SCYL3: variants seen among roughly 807,000 people sequenced by gnomAD.
SCYL3 encodes protein-associating with the carboxyl-terminal domain of ezrin.
SCYL3 carries 35 observed loss-of-function variants against 73.8 expected under a neutral mutation model. That is an observed-to-expected ratio of 0.47 (90% CI 0.36 to 0.63). The LOEUF (loss-of-function observed/expected upper bound fraction) is 0.63. Ranked by LOEUF, SCYL3 falls within the 20% of genes least tolerant of loss-of-function variation. SCYL3 has a pLI of 0.00. For synonymous variants in SCYL3, 277 were observed against 295.2 expected, an observed-to-expected ratio of 0.94 and a Z score of 0.63; for missense variants, 712 against 798.9, an observed-to-expected ratio of 0.89 and a Z score of 1.31.
chr1:169,891,531 A>C (rs1662086693), intron 1 of SCYL3, among the ~76,000 whole-genome samples: 1 of 152,236 alleles, frequency 6.6e-6, no homozygotes, highest in African/African-American at 2.4e-5. Context: ...GAGTTACAGA[A>C]GTGTTACTTT....
At chr1:169,868,390 A>G (rs1660180960) in intron 7 of SCYL3, among the ~76,000 whole-genome samples, 2 of 152,234 alleles carry the variant, frequency 1.3e-5, no homozygotes, top group South Asian at 4.1e-4. Context: ...ATTAAAACTA[A>G]CCTTGAAGAA....
intron 5 of SCYL3, among the ~76,000 whole-genome samples, chr1:169,870,730 A>T (rs1372592022): frequency 6.6e-6 from 1 of 152,076 alleles, no homozygotes; most frequent in Non-Finnish European, 1.5e-5. Flanking sequence ...ACTATCTAAG[A>T]TGCCCAAAGA....
At chr1:169,857,189 TAAAC>T (rs1236982495) in intron 11 of SCYL3, among the ~76,000 whole-genome samples, 1 of 151,822 alleles carries the variant, frequency 6.6e-6, no homozygotes, top group Non-Finnish European at 1.5e-5. Context: ...ACAAGAAACT[TAAAC>T]ATCTAGTGTT....
At chr1:169,855,949 TAGG>T (rs1659107821) in intron 11 of SCYL3, 9 of 1,610,962 alleles carry the variant, frequency 5.6e-6, no homozygotes, top group Non-Finnish European at 7.6e-6. Flanking sequence ...ACGACACACA[TAGG>T]AGAATCTGAA....
Position 169,854,599 on chromosome 1 carries a change from G to C in SCYL3, c.1678C>G (p.Pro560Ala). ...TTTTGGGGTAAGCTTGATTTCCAAG[G>C]CATAGACTCTTCAGTGAGTGAAAGC... ...ALLSLTEESM[P>A]WKSSLPQKIS... Residue 560 changes from proline to alanine, a missense_variant, in exon 12 of 13, where the codon CCT becomes GCT. Coordinates refer to ENST00000367771, the MANE Select transcript of SCYL3 (RefSeq NM_020423.7). The C allele has an allele frequency of 6.2e-7, 1 of 1,613,932 alleles. No homozygotes were observed. Among genetic ancestry groups the C allele is most frequent in the Non-Finnish European group, 8.5e-7 (1 of 1,179,966 alleles).
intron 8 of SCYL3, among the ~76,000 whole-genome samples, chr1:169,866,637 G>A (rs1189056696): frequency 2.0e-5 from 3 of 152,124 alleles, no homozygotes; most frequent in Non-Finnish European, 2.9e-5. Flanking sequence ...ACCTCCTCCT[G>A]CCCTGTGTGT....
At chr1:169,889,493 C>T (rs958693997) in intron 1 of SCYL3, among the ~76,000 whole-genome samples, 1 of 151,956 alleles carries the variant, frequency 6.6e-6, no homozygotes, top group Non-Finnish European at 1.5e-5. Flanking sequence ...ACACAAATGA[C>T]GATAAACATA....
chr1:169,869,379 T>C (rs1660244575), intron 6 of SCYL3, among the ~76,000 whole-genome samples: 1 of 152,222 alleles, frequency 6.6e-6, no homozygotes, highest in African/African-American at 2.4e-5. Context: ...CACAGAACAG[T>C]TATATGAATG....
rs1308407452 is a variant in SCYL3, at chr1:169,850,211, C to G, written c.*3502G>C. 2 of 1,210,394 alleles carry G rather than the reference C, an allele frequency of 1.7e-6. No individual in the cohort carries two copies. Among genetic ancestry groups the G allele is most frequent in the Admixed American group, 1.8e-5 (1 of 54,162 alleles). 75.0% of individuals were successfully genotyped at this position (1,210,394 alleles called of 1,614,324 possible). ...TAGCTCATAAAACTCATCTATTTGT[C>G]TTTGCAAGTTGTTGAAATGTTAAAA... On this transcript the variant is annotated 3_prime_UTR_variant, in exon 13 of 13. Transcript: ENST00000367771.
At chr1:169,853,891 G>GTACTA in intron 12 of SCYL3, 119 bp from the exon 13 acceptor site, 1 of 1,087,586 alleles carries the variant, frequency 9.2e-7, no homozygotes, top group East Asian at 2.4e-5. Flanking sequence ...ACACTACCTC[G>GTACTA]TACTAAGTAA....
intron 2 of SCYL3, 69 bp from the exon 3 acceptor site, chr1:169,878,888 T>G (rs1661050363): frequency 7.3e-7 from 1 of 1,378,586 alleles, no homozygotes; most frequent in Middle Eastern, 2.1e-4. Context: ...ATATACATTA[T>G]GGGGGAAATC....
chr1:169,877,102 T>TC (rs1471852098), intron 3 of SCYL3, among the ~76,000 whole-genome samples: 1 of 151,926 alleles, frequency 6.6e-6, no homozygotes, highest in Non-Finnish European at 1.5e-5. Context: ...TAAGTTTTTT[T>TC]CCCCAAACCA....
Position 169,873,713 on chromosome 1 carries a change from T to C in SCYL3, c.505A>G (p.Ile169Val), listed in dbSNP as rs145406599. 7.7e-5 allele frequency: 124 copies of C among 1,603,756 alleles called. No individual in the cohort carries two copies. In the African/African-American group the frequency reaches 1.2e-3, roughly 15 times the overall value. Residue 169 changes from isoleucine (I) to valine (V), a missense_variant, in exon 5 of 13, where the codon ATC becomes GTC. Ile to Val is a conservative substitution (Grantham distance 29). Around this residue, in one of 2 missense-constraint regions of SCYL3, gnomAD observed 342 missense variants for 448.1 expected, o/e 0.76. Coordinates refer to ENST00000367771, the MANE Select transcript of SCYL3 (RefSeq NM_020423.7). ...SIQSIRDPASIPPEEMSPEFT... is the reference protein window; with the variant it reads ...SIQSIRDPASVPPEEMSPEFT... ...CATCTTACCATCTCTTCAGGAGGGA[T>C]AGATGCTGGGTCTCTTATTGACTGA...
chr1:169,870,465 T>C (rs2102170759), intron 5 of SCYL3, 108 bp from the exon 6 acceptor site: 2 of 690,126 alleles, frequency 2.9e-6, no homozygotes, highest in Non-Finnish European at 5.1e-6. Context: ...CTCAAATCTA[T>C]CTTCAGACCA....
chr1:169,864,959 G>GA (rs1659928601), intron 8 of SCYL3, among the ~76,000 whole-genome samples: 2 of 125,574 alleles, frequency 1.6e-5, no homozygotes, highest in African/African-American at 6.2e-5. Flanking sequence ...GACAGGGTGA[G>GA]ATTCTGTCTC....
Position 169,852,628 on chromosome 1 carries a change from A to G in SCYL3, c.*1085T>C. ...CTATGATAAACCAAAATGCCTTTAC[A>G]TATTTTTCTAGATGACTGTGTAGGG... On this transcript the variant is annotated 3_prime_UTR_variant, in exon 13 of 13. Transcript: ENST00000367771. The G allele has an allele frequency of 3.0e-6, 2 of 677,104 alleles. No homozygotes were observed. The highest frequency in any genetic ancestry group is 2.0e-5 in the South Asian group (1 of 50,424). The allele number at this position is 677,104 out of a possible 1,614,324, so 41.9% of individuals were successfully genotyped here.
chr1:169,862,832 CAAATTT>C, intron 9 of SCYL3, 35 bp from the exon 10 acceptor site: 1 of 1,603,200 alleles, frequency 6.2e-7, no homozygotes, highest in Non-Finnish European at 8.5e-7. Flanking sequence ...GATGAAAAAA[CAAATTT>C]TCATTTCAGT....
rs956076957 is a variant in SCYL3, at chr1:169,855,295, T to C, written c.1313-331A>G. 1.7e-4 allele frequency among the ~76,000 whole-genome samples: 26 copies of C among 152,344 alleles called. 1 individual carries two copies. The highest frequency in any genetic ancestry group is 5.8e-4 in the African/African-American group (24 of 41,584). Reference sequence around the variant, plus strand: ...CCAGGCAGTGTTATCCTTGGGATGTTTGTTAATTACATATGCCTGAAAAAG... The same window carrying C: ...CCAGGCAGTGTTATCCTTGGGATGTCTGTTAATTACATATGCCTGAAAAAG... On this transcript the variant is annotated intron_variant, in intron 11 of 12. Coordinates refer to ENST00000367771, the MANE Select transcript of SCYL3 (RefSeq NM_020423.7).
At chr1:169,861,643 G>A (rs1374684703) in intron 10 of SCYL3, among the ~76,000 whole-genome samples, 1 of 152,208 alleles carries the variant, frequency 6.6e-6, no homozygotes, top group Non-Finnish European at 1.5e-5. Flanking sequence ...TACTTACATG[G>A]CAACGGATGA....
Sources: allele counts gnomAD v4.1 joint callset (sites outside exome capture counted in the v4.1 genomes callset), GRCh38; gene constraint gnomAD v4.1.1; regional missense constraint gnomAD v4.1.1; transcripts MANE v1.5; gene names NCBI Gene and HGNC (gene_info 2026-07-23, HGNC 2026-07-21).